The following FOXP1 variants were observed in gnomAD, a reference collection of about 807,000 sequenced individuals.
FOXP1 encodes forkhead box protein P1.
FOXP1 carries 15 observed loss-of-function variants against 98.2 expected under a neutral mutation model. The ratio of observed to expected loss-of-function variants is 0.15; its 90% CI spans 0.10 to 0.24. The LOEUF is 0.24. Among genes scored for constraint, FOXP1 ranks in the 10% least tolerant of loss-of-function variants. The pLI is 1.00. For missense variants in FOXP1, 633 were observed against 848.5 expected (o/e 0.75, Z 3.15); for synonymous variants, 371 against 314.5 (o/e 1.18, Z -1.90).
chr3:71,568,904 G>C (rs762259295), intron 2 of FOXP1, among the ~76,000 whole-genome samples: 6 of 152,114 alleles, frequency 3.9e-5, no homozygotes, highest in Non-Finnish European at 8.8e-5. Flanking sequence ...GCCTTGGCCT[G>C]CCAAAGTGCT....
At chr3:71,036,131 G>C (rs1181358835) in intron 11 of FOXP1, among the ~76,000 whole-genome samples, 1 of 151,946 alleles carries the variant, frequency 6.6e-6, no homozygotes, top group Non-Finnish European at 1.5e-5. Context: ...CAGAGACTGT[G>C]TATCAAGTGA....
intron 2 of FOXP1, among the ~76,000 whole-genome samples, chr3:71,541,374 G>C (rs919169406): frequency 1.3e-5 from 2 of 152,204 alleles, no homozygotes; most frequent in African/African-American, 4.8e-5. Context: ...CTCTGATAAA[G>C]TACATCTTGA....
chr3:70,979,164 C>G (rs2038231900), intron 14 of FOXP1, among the ~76,000 whole-genome samples: 1 of 151,152 alleles, frequency 6.6e-6, no homozygotes, highest in African/African-American at 2.4e-5. Flanking sequence ...TGCCTGTAGT[C>G]CCAGCTACCT....
At chr3:71,406,405 G>GTATATATATATATATATATATA (rs60423991) in intron 3 of FOXP1, among the ~76,000 whole-genome samples, 1,156 of 105,658 alleles carry the variant, frequency 0.011, 153 homozygotes, top group Non-Finnish European at 0.017. Context: ...AACTGTATGT[G>GTATATATATATATATATATATA]TATATATATA....
At chr3:71,582,985 G>A (rs535442471) in intron 1 of FOXP1, among the ~76,000 whole-genome samples, 2 of 152,212 alleles carry the variant, frequency 1.3e-5, no homozygotes, top group South Asian at 4.1e-4. Context: ...GGGAAAGAAG[G>A]GGAAAAGTTT....
chr3:71,022,889 T>C (rs1474311313), intron 11 of FOXP1, among the ~76,000 whole-genome samples: 11 of 152,128 alleles, frequency 7.2e-5, no homozygotes, highest in Non-Finnish European at 2.9e-5. Context: ...AGGTGCTGAA[T>C]GGAAATCCAT....
In FOXP1 at chr3:71,347,093, C is replaced by T. The variant is rs547596720; in HGVS notation, c.-73+12057G>A. Reference sequence around the variant, plus strand: ...TACCTCACATATAAATGTCCCAGACCGCATCTTTCTCTCAAACTGCTCCTT... The same window carrying T: ...TACCTCACATATAAATGTCCCAGACTGCATCTTTCTCTCAAACTGCTCCTT... On this transcript the variant is annotated intron_variant, in intron 4 of 20. Transcript: ENST00000649528. Among the ~76,000 whole-genome samples, 9 of 152,206 alleles carry T rather than the reference C, an allele frequency of 5.9e-5. No homozygotes were observed. In the South Asian group the frequency reaches 1.7e-3, roughly 28 times the overall value.
At chr3:71,380,444 CA>C (rs2080057393) in intron 3 of FOXP1, among the ~76,000 whole-genome samples, 1 of 152,170 alleles carries the variant, frequency 6.6e-6, no homozygotes, top group African/African-American at 2.4e-5. Context: ...GAGCCTAGGC[CA>C]AAGGCTTCCC....
intron 13 of FOXP1, among the ~76,000 whole-genome samples, chr3:70,996,175 G>A (rs2041332687): frequency 6.6e-6 from 1 of 152,124 alleles, no homozygotes; most frequent in East Asian, 1.9e-4. Flanking sequence ...TAGAGATGGG[G>A]TAATCTCCAT....
At chr3:71,456,970 G>A (rs1197503463) in intron 3 of FOXP1, among the ~76,000 whole-genome samples, 3 of 152,048 alleles carry the variant, frequency 2.0e-5, no homozygotes, top group Non-Finnish European at 2.9e-5. Context: ...AAAGACAGCA[G>A]AATACACAAA....
At chr3:71,080,274 T>C (rs1358593195) in intron 7 of FOXP1, among the ~76,000 whole-genome samples, 2 of 152,226 alleles carry the variant, frequency 1.3e-5, no homozygotes, top group Non-Finnish European at 2.9e-5. Context: ...TGATTTATAG[T>C]GCCGGTGGAA....
rs548503074 is a variant in FOXP1 at position 71,436,731 on chromosome 3, G to A, written c.-168+56695C>T. Among the ~76,000 whole-genome samples, 41 of 152,272 alleles carry A rather than the reference G, an allele frequency of 2.7e-4. 2 individuals are homozygous for A. The South Asian group carries it at 8.3e-3, about 31-fold the overall frequency. Reference sequence around the variant, plus strand: ...GAGCACATCCTCCGAGAATGATGATGAGAATACACCAAAATACCTGGAAAC... The same window carrying A: ...GAGCACATCCTCCGAGAATGATGATAAGAATACACCAAAATACCTGGAAAC... On this transcript the variant is annotated intron_variant, in intron 3 of 20. Coordinates refer to ENST00000649528, the MANE Select transcript of FOXP1 (RefSeq NM_001349338.3).
intron 3 of FOXP1, among the ~76,000 whole-genome samples, chr3:71,426,511 C>A (rs2084169293): frequency 6.6e-6 from 1 of 152,056 alleles, no homozygotes; most frequent in African/African-American, 2.4e-5. Flanking sequence ...CCCAGCTGAG[C>A]CAACTAAATG....
chr3:71,297,458 A>G (rs1006076123), intron 5 of FOXP1, among the ~76,000 whole-genome samples: 5 of 150,714 alleles, frequency 3.3e-5, no homozygotes, highest in Non-Finnish European at 7.4e-5. Context: ...ATTGAATCAG[A>G]AGAAAAATAA....
chr3:71,001,366 C>A (rs1277077338), intron 12 of FOXP1, among the ~76,000 whole-genome samples: 1 of 152,124 alleles, frequency 6.6e-6, no homozygotes, highest in Non-Finnish European at 1.5e-5. Context: ...CCTTAATGGG[C>A]AGCAATCAGA....
At chr3:71,514,331 C>A (rs1013653916) in intron 2 of FOXP1, among the ~76,000 whole-genome samples, 2 of 152,196 alleles carry the variant, frequency 1.3e-5, no homozygotes, top group Non-Finnish European at 2.9e-5. Context: ...CTTGGCGTCA[C>A]AATCAAAAGC....
intron 5 of FOXP1, among the ~76,000 whole-genome samples, chr3:71,223,919 T>G (rs2065621961): frequency 6.6e-6 from 1 of 152,108 alleles, no homozygotes; most frequent in African/African-American, 2.4e-5. Flanking sequence ...GGATAGCTCA[T>G]GGGCAATGGA....
At chr3:71,332,587 G>C (rs2076401763) in intron 4 of FOXP1, 1 of 152,186 alleles carries the variant, frequency 6.6e-6, no homozygotes, top group East Asian at 1.9e-4. Flanking sequence ...TATAAAAATT[G>C]GCCAGGCATG....
chr3:71,520,977 C>A (rs1029420373), intron 2 of FOXP1, among the ~76,000 whole-genome samples: 5 of 152,180 alleles, frequency 3.3e-5, no homozygotes. Flanking sequence ...CCGACTTGCA[C>A]CCAATATCCA....
Sources: gnomAD v4.1 joint callset for allele counts (sites outside exome capture counted in the v4.1 genomes callset) on GRCh38, gnomAD v4.1.1 for gene constraint, MANE v1.5 for transcripts, NCBI Gene and HGNC (gene_info 2026-07-23, HGNC 2026-07-21) for gene names.